The following KCNN1 variants were observed in gnomAD, a reference collection of about 807,000 sequenced individuals.
KCNN1 encodes the protein small conductance calcium-activated potassium channel protein 1.
KCNN1 carries 20 observed loss-of-function variants against 44.7 expected under a neutral mutation model. The ratio of observed to expected loss-of-function variants is 0.45; its 90% confidence interval spans 0.32 to 0.65. The LOEUF is 0.65. Ranked by LOEUF, KCNN1 falls within the 30% of genes least tolerant of loss-of-function variation. The pLI is 0.05. For synonymous variants in KCNN1, 324 were observed against 341.7 expected (o/e 0.95, Z 0.57); for missense variants, 632 against 785.3 (o/e 0.80, Z 2.33).
intron 2 of KCNN1, among the ~76,000 whole-genome samples, chr19:17,960,620 A>T (rs2031654599): frequency 1.3e-5 from 2 of 151,274 alleles, no homozygotes; most frequent in Admixed American, 1.3e-4. Flanking sequence ...ACAGGAGCGA[A>T]ACTCTGTCTC....
chr19:17,973,508 T>G (rs1335667375), intron 1 of KCNN1, among the ~76,000 whole-genome samples: 1 of 152,224 alleles, frequency 6.6e-6, no homozygotes, highest in Admixed American at 6.5e-5. Context: ...TTCGAACTCC[T>G]GAACTCAAGC....
upstream of KCNN1, among the ~76,000 whole-genome samples, chr19:17,963,343 C>A: frequency 6.9e-6 from 1 of 145,870 alleles, no homozygotes; most frequent in African/African-American, 2.5e-5. Flanking sequence ...GATAGAGTCT[C>A]ACTCTGTCGC....
chr19:17,993,657 C>G lies in KCNN1; in HGVS notation c.1377+98C>G. 1.0e-6 allele frequency: 1 copy of G among 970,178 alleles called. No individual in the cohort carries two copies. The highest frequency in any genetic ancestry group is 1.3e-5 in the South Asian group (1 of 74,916). The allele number at this position is 970,178 out of a possible 1,614,324, so 60.1% of individuals were successfully genotyped here. A position where few individuals can be genotyped will look rare whatever the true frequency, so the allele number is the denominator to read the frequency against. On this transcript the variant is annotated intron_variant, in intron 9 of 9. Transcript: ENST00000684775. The surrounding 1 kb of genome is among the most constrained non-coding windows in gnomAD (Gnocchi z 4.5). ...CCTGCCGGAGGAGGGCACAAGGACC[C>G]GCTGTGGGCTGAGTGCAGTGGCGGG...
intron 1 of KCNN1, among the ~76,000 whole-genome samples, chr19:17,969,620 G>T (rs1419570474): frequency 1.3e-5 from 2 of 152,114 alleles, no homozygotes; most frequent in Non-Finnish European, 2.9e-5. Context: ...GCAGACACAC[G>T]GCTGAATTTG....
At chr19:17,962,177 G>C (rs1330403005), upstream of KCNN1, among the ~76,000 whole-genome samples, 1 of 152,210 alleles carries the variant, frequency 6.6e-6, no homozygotes, top group Non-Finnish European at 1.5e-5. Context: ...GGATGGGACA[G>C]TCCCAGGGTG....
In KCNN1 at chr19:17,993,772, G is replaced by A. The variant is rs958518067; in HGVS notation, c.1377+213G>A. 2.0e-5 allele frequency among the ~76,000 whole-genome samples: 3 copies of A among 151,988 alleles called. No individual in the cohort carries two copies. Among genetic ancestry groups the A allele is most frequent in the Non-Finnish European group, 2.9e-5 (2 of 67,992 alleles). On this transcript the variant is annotated intron_variant, in intron 9 of 9. Transcript: ENST00000684775. The surrounding 1 kb of genome is among the most constrained non-coding windows in gnomAD (Gnocchi z 4.5). ...AAAAAAATACAACAATTAGCCAGGC[G>A]TGGTGGCGGGCGCCTTTAATCCCAG...
intron 4 of KCNN1, chr19:17,982,575 ATG>A (rs1162854743): frequency 1.9e-5 from 19 of 985,222 alleles, no homozygotes; most frequent in Non-Finnish European, 2.2e-5. Context: ...TAGGGAAAAC[ATG>A]TGAGTCCCAC....
chr19:17,975,984 G>A (rs1033025465), intron 3 of KCNN1, among the ~76,000 whole-genome samples: 1 of 152,152 alleles, frequency 6.6e-6, no homozygotes, highest in Non-Finnish European at 1.5e-5. Flanking sequence ...GGACTTTACA[G>A]GCATGAGCCA....
At chr19:17,994,341 G>A (rs950559808) in intron 9 of KCNN1, among the ~76,000 whole-genome samples, 1 of 151,746 alleles carries the variant, frequency 6.6e-6, no homozygotes, top group Admixed American at 6.6e-5. Flanking sequence ...CAGCTATTAG[G>A]GAGGCTGAGG....
In KCNN1 at chr19:17,998,101, T is replaced by C. The variant is rs1439762970; in HGVS notation, c.1378-51T>C. The C allele has an allele frequency of 1.3e-6, 2 of 1,509,694 alleles. No homozygotes were observed. Among genetic ancestry groups the C allele is most frequent in the Non-Finnish European group, 1.8e-6 (2 of 1,129,350 alleles). 93.5% of individuals were successfully genotyped at this position (1,509,694 alleles called of 1,614,324 possible). On this transcript the variant is annotated intron_variant, in intron 9 of 9. Transcript: ENST00000684775. The surrounding 1 kb of genome is among the most constrained non-coding windows in gnomAD (Gnocchi z 5.4). Reference sequence around the variant, plus strand: ...TCATTGGTGTCGTGGTATCGTCCTTTCCTCTCTCACTCAGCGGCGCCTCTC... The same window carrying C: ...TCATTGGTGTCGTGGTATCGTCCTTCCCTCTCTCACTCAGCGGCGCCTCTC...
intron 5 of KCNN1, 129 bp downstream of exon 5, chr19:17,985,582 A>G: frequency 2.6e-6 from 2 of 774,356 alleles, no homozygotes; most frequent in Non-Finnish European, 1.9e-6. Context: ...GCGTCCCTCC[A>G]TCTGTCAGTC....
intron 1 of KCNN1, chr19:17,952,177 C>G (rs558041631): frequency 6.6e-6 from 1 of 152,030 alleles, no homozygotes; most frequent in African/African-American, 2.4e-5. Flanking sequence ...TCCGCGCCCC[C>G]TCCCCGGGCG....
At chr19:17,985,204 G>A (rs1599369200) in intron 4 of KCNN1, 108 bp from the exon 5 acceptor site, 6 of 1,097,940 alleles carry the variant, frequency 5.5e-6, no homozygotes, top group East Asian at 5.5e-5. Context: ...CCAACGCAGC[G>A]AGGTGGACTC....
intron 1 of KCNN1, chr19:17,952,204 G>A (rs1568442353): frequency 6.6e-6 from 1 of 151,934 alleles, no homozygotes; most frequent in Non-Finnish European, 1.5e-5. Flanking sequence ...CGGGGCCCAG[G>A]TCGGCGGGGA....
At chr19:17,968,238 G>T (rs981553580) in intron 1 of KCNN1, among the ~76,000 whole-genome samples, 2 of 152,070 alleles carry the variant, frequency 1.3e-5, no homozygotes, top group African/African-American at 2.4e-5. Context: ...TGTGGTACCC[G>T]GAAGCCCCTG....
At position 17,998,551 on chromosome 19, in the gene KCNN1, GC is replaced by G; in HGVS notation, c.*148del. 1.1e-6 allele frequency: 1 copy of G among 871,624 alleles called. No homozygotes were observed. Among genetic ancestry groups the G allele is most frequent in the Non-Finnish European group, 1.7e-6 (1 of 599,708 alleles). The allele number at this position is 871,624 out of a possible 1,614,324, so 54.0% of individuals were successfully genotyped here. ...GACTGAGGCCTGCCCCGCCCAGACT[GC>G]CCAGGCAGAGGGCAGGGCTGGACCA... On this transcript the variant is annotated 3_prime_UTR_variant, in exon 10 of 10. Transcript: ENST00000684775. The surrounding 1 kb of genome is among the most constrained non-coding windows in gnomAD (Gnocchi z 5.4).
chr19:17,965,558 A>G (rs2031780566), upstream of KCNN1, among the ~76,000 whole-genome samples: 1 of 152,082 alleles, frequency 6.6e-6, no homozygotes, highest in East Asian at 1.9e-4. Context: ...GCGAGGGGAG[A>G]CTGAGAAGGC....
At chr19:17,994,113 A>G (rs1410859285) in intron 9 of KCNN1, among the ~76,000 whole-genome samples, 3 of 152,096 alleles carry the variant, frequency 2.0e-5, no homozygotes, top group Non-Finnish European at 4.4e-5. Flanking sequence ...TTGTATAGCA[A>G]TTAAACATCT....
chr19:17,989,979 C>A lies in KCNN1; in HGVS notation c.1298+136C>A, dbSNP rs1213950130. On this transcript the variant is annotated intron_variant, in intron 7 of 9. Coordinates refer to ENST00000684775, the MANE Select transcript of KCNN1 (RefSeq NM_001386974.1). Reference sequence around the variant, plus strand: ...TTGGTTGGGGCCTGCATCTTCTGAGCTGGGTGGATGGGAGGATCTTCAGAG... The same window carrying A: ...TTGGTTGGGGCCTGCATCTTCTGAGATGGGTGGATGGGAGGATCTTCAGAG... The A allele has an allele frequency of 3.2e-6, 4 of 1,248,726 alleles. No individual in the cohort carries two copies. In the African/African-American group the frequency reaches 5.9e-5, roughly 18 times the overall value. The allele number at this position is 1,248,726 out of a possible 1,614,324, so 77.4% of individuals were successfully genotyped here. A position where few individuals can be genotyped will look rare whatever the true frequency, so the allele number is the denominator to read the frequency against.
Sources: gnomAD v4.1 joint callset for allele counts (sites outside exome capture counted in the v4.1 genomes callset) on GRCh38, gnomAD v4.1.1 for gene constraint, Gnocchi (gnomAD v3.1) non-coding constraint, MANE v1.5 for transcripts, NCBI Gene and HGNC (gene_info 2026-07-23, HGNC 2026-07-21) for gene names.